The following OXTR variants were observed in gnomAD, a reference collection of about 807,000 sequenced individuals.
OXTR encodes oxytocin receptor.
Under a neutral mutation model 23.9 loss-of-function variants are expected in OXTR, and 19 were observed. The ratio of observed to expected loss-of-function variants is 0.80; its 90% CI spans 0.56 to 1.17. OXTR has a LOEUF of 1.17. Ranked by LOEUF, OXTR falls within the 50% of genes most tolerant of loss-of-function variation. The pLI, the probability that OXTR is intolerant of heterozygous loss-of-function variation, is 0.00. For missense variants in OXTR, 500 were observed against 550.7 expected, an observed-to-expected ratio of 0.91 and a Z score of 0.92; for synonymous variants, 278 against 250.5, an observed-to-expected ratio of 1.11 and a Z score of -1.04.
downstream of OXTR, chr3:8,746,425 T>G: frequency 6.5e-6 from 1 of 153,362 alleles, no homozygotes; most frequent in Admixed American, 6.5e-5. Context: ...AACAGAGTCT[T>G]TTTCTTCTTC....
intron 3 of OXTR, among the ~76,000 whole-genome samples, chr3:8,754,808 C>G (rs991667529): frequency 1.3e-4 from 20 of 152,150 alleles, no homozygotes; most frequent in African/African-American, 4.8e-4. Context: ...TCTAATGCAC[C>G]CTCAAGGTTA....
chr3:8,754,030 T>A (rs1158699114), intron 3 of OXTR, among the ~76,000 whole-genome samples: 3 of 152,160 alleles, frequency 2.0e-5, no homozygotes, highest in Non-Finnish European at 4.4e-5. Flanking sequence ...AGAAACTGTA[T>A]GACATCTTCA....
At chr3:8,762,737 G>C (rs1276947177) in intron 3 of OXTR, among the ~76,000 whole-genome samples, 1 of 152,232 alleles carries the variant, frequency 6.6e-6, no homozygotes, top group Non-Finnish European at 1.5e-5. Flanking sequence ...TCTACAGATG[G>C]GGAAACAGTT....
At chr3:8,763,088 G>C (rs956008187) in intron 3 of OXTR, among the ~76,000 whole-genome samples, 6 of 152,196 alleles carry the variant, frequency 3.9e-5, no homozygotes, top group Admixed American at 3.9e-4. Context: ...TTAACAAGTA[G>C]GGAACAGGAC....
intron 3 of OXTR, among the ~76,000 whole-genome samples, chr3:8,766,362 G>A (rs1311930445): frequency 1.3e-5 from 2 of 152,114 alleles, no homozygotes; most frequent in African/African-American, 4.8e-5. Flanking sequence ...TTTCTCCCTA[G>A]GTCGCCCTCT....
intron 3 of OXTR, among the ~76,000 whole-genome samples, chr3:8,759,849 G>A (rs890023281): frequency 2.6e-5 from 4 of 152,202 alleles, no homozygotes; most frequent in Admixed American, 2.6e-4. Flanking sequence ...TCAGGAGTAA[G>A]GATTTGGGCC....
intron 3 of OXTR, among the ~76,000 whole-genome samples, chr3:8,755,465 C>T (rs1322907086): frequency 1.3e-5 from 2 of 152,264 alleles, no homozygotes; most frequent in East Asian, 1.9e-4. Context: ...TCACTCTTTA[C>T]TCTTTGGATC....
At chr3:8,743,089 C>CA in the OXTR span, among the ~76,000 whole-genome samples, 14,669 of 152,016 alleles carry the variant, frequency 0.096, 842 homozygotes, top group Non-Finnish European at 0.14. Context: ...TGTGAACTAA[C>CA]GAGCAAGAAC....
chr3:8,754,554 G>A (rs768372726), intron 3 of OXTR, among the ~76,000 whole-genome samples: 1 of 152,160 alleles, frequency 6.6e-6, no homozygotes, highest in Non-Finnish European at 1.5e-5. Flanking sequence ...TCTTCACTGG[G>A]GATGCTCAAG....
intron 3 of OXTR, among the ~76,000 whole-genome samples, chr3:8,765,209 G>A (rs543768235): frequency 2.6e-5 from 4 of 152,290 alleles, no homozygotes; most frequent in East Asian, 1.9e-4. Context: ...TTCGCTTCAC[G>A]GTACGTGTGA....
At chr3:8,746,089 T>G, downstream of OXTR, 1 of 531,418 alleles carries the variant, frequency 1.9e-6, no homozygotes, top group South Asian at 2.7e-5. Flanking sequence ...GATGCCCCCA[T>G]GCCTGGGCGT....
intron 3 of OXTR, among the ~76,000 whole-genome samples, 191 bp downstream of exon 3, chr3:8,767,075 A>G (rs1359578449): frequency 1.3e-5 from 2 of 152,200 alleles, no homozygotes; most frequent in African/African-American, 4.8e-5. Flanking sequence ...ACAGAAGAGA[A>G]AGTGGAGGCT....
chr3:8,762,638 G>A (rs560924495), intron 3 of OXTR, among the ~76,000 whole-genome samples: 8 of 152,280 alleles, frequency 5.3e-5, no homozygotes, highest in African/African-American at 7.2e-5. Flanking sequence ...CCCACACCTC[G>A]GGCACAGCAT....
At position 8,753,193 on chromosome 3, in the gene OXTR, G is replaced by A. The variant is rs200781482; in HGVS notation, c.954C>T (p.Ala318=). The A allele has an allele frequency of 3.7e-6, 6 of 1,614,060 alleles. No individual in the cohort carries two copies. The African/African-American group carries it at 8.0e-5, about 22-fold the overall frequency. ...ASAFIIVMLL[A]SLNSCCNPWI... ...AGGGGTTGCAGCAGCTGTTGAGGCT[G>A]GCCAGGAGCATGACGATGATGAAGG... is the stretch of plus-strand genomic sequence containing the variant. The change falls in exon 4 of 4, where the codon GCC becomes GCT. Residue 318 remains alanine, a synonymous_variant. Transcript: ENST00000316793.
At position 8,769,613 on chromosome 3, in the gene OXTR, C is replaced by T. The variant is rs985853538; in HGVS notation, c.-621G>A. On this transcript the variant is annotated 5_prime_UTR_variant, in exon 1 of 4. Transcript: ENST00000316793. ...CCCAGCGTTGGTCCCAGAGCCTTAA[C>T]AAATGGGTTTATTTTGCAGTGGTTT... 3.3e-5 allele frequency: 5 copies of T among 152,264 alleles called. No homozygotes were observed. Among genetic ancestry groups the T allele is most frequent in the Non-Finnish European group, 5.9e-5 (4 of 68,042 alleles). The allele number at this position is 152,264 out of a possible 1,614,324, so 9.4% of individuals were successfully genotyped here.
intron 3 of OXTR, 74 bp from the exon 4 acceptor site, chr3:8,753,298 C>T (rs1708309788): frequency 6.6e-7 from 1 of 1,521,532 alleles, no homozygotes; most frequent in Non-Finnish European, 8.9e-7. Context: ...ACCTATCTGA[C>T]TTAAACATCA....
chr3:8,749,624 G>C (rs1310208005), downstream of OXTR, among the ~76,000 whole-genome samples: 2 of 152,194 alleles, frequency 1.3e-5, no homozygotes, highest in Non-Finnish European at 2.9e-5. Context: ...TTCCCAAAGA[G>C]CAAGGACTGG....
chr3:8,760,319 C>T (rs1041687535), intron 3 of OXTR, among the ~76,000 whole-genome samples: 4 of 152,206 alleles, frequency 2.6e-5, no homozygotes, highest in Non-Finnish European at 4.4e-5. Context: ...TGTGGGTGTA[C>T]CCAGAACTCT....
chr3:8,754,511 C>T (rs1463979702), intron 3 of OXTR, among the ~76,000 whole-genome samples: 6 of 152,180 alleles, frequency 3.9e-5, no homozygotes, highest in Admixed American at 3.9e-4. Flanking sequence ...TGACAAATAA[C>T]TCTAGAGTTC....
Sources: gnomAD v4.1 joint callset for allele counts (sites outside exome capture counted in the v4.1 genomes callset) on GRCh38, gnomAD v4.1.1 for gene constraint, MANE v1.5 for transcripts, NCBI Gene and HGNC (gene_info 2026-07-23, HGNC 2026-07-21) for gene names.